NDRG3: variants seen among roughly 807,000 people sequenced by gnomAD.
NDRG3 encodes NDRG family member 3.
A neutral mutation model predicts 57.2 loss-of-function variants in NDRG3; 23 were observed. The observed-to-expected ratio is 0.40, with a 90% CI of 0.29 to 0.57. The LOEUF is 0.57. Among genes scored for constraint, NDRG3 ranks in the 20% least tolerant of loss-of-function variants. NDRG3 has a pLI of 0.42. For synonymous variants in NDRG3, 132 were observed against 162.6 expected, an observed-to-expected ratio of 0.81 and a Z score of 1.43; for missense variants, 384 against 457.3, an observed-to-expected ratio of 0.84 and a Z score of 1.46.
chr20:36,722,094 AT>A (rs1256054954), intron 1 of NDRG3, among the ~76,000 whole-genome samples: 1 of 152,096 alleles, frequency 6.6e-6, no homozygotes, highest in African/African-American at 2.4e-5. Context: ...ATTATATAAT[AT>A]TTTCACATCT....
At chr20:36,658,265 G>A (rs1397375471) in intron 13 of NDRG3, among the ~76,000 whole-genome samples, 1 of 152,142 alleles carries the variant, frequency 6.6e-6, no homozygotes, top group Non-Finnish European at 1.5e-5. Context: ...TGGAGTAGCT[G>A]GGATTACAGG....
At position 36,706,957 on chromosome 20, in the gene NDRG3, T is replaced by C; in HGVS notation, c.93+15A>G. 6.2e-7 allele frequency: 1 copy of C among 1,611,998 alleles called. No individual in the cohort carries two copies. The highest frequency in any genetic ancestry group is 8.5e-7 in the Non-Finnish European group (1 of 1,178,252). ...ATCCTGTACAGAGCCTCCTTCTTGC[T>C]TGTACAGTCCTTACCTGACAGTCAA... On this transcript the variant is annotated intron_variant, in intron 3 of 15. Transcript: ENST00000349004.
intron 1 of NDRG3, among the ~76,000 whole-genome samples, chr20:36,739,909 C>CA (rs774462877): frequency 0.071 from 2,632 of 37,214 alleles, 59 homozygotes; most frequent in Non-Finnish European, 0.1. Context: ...GACTCCGTCT[C>CA]AAAAAAAAAA....
intron 2 of NDRG3, among the ~76,000 whole-genome samples, chr20:36,712,577 A>T (rs1983967413): frequency 2.2e-4 from 3 of 13,810 alleles, no homozygotes; most frequent in African/African-American, 5.7e-4. Flanking sequence ...ATATATATAT[A>T]TATATATATA....
At chr20:36,740,068 T>C (rs926847858) in intron 1 of NDRG3, among the ~76,000 whole-genome samples, 4 of 152,124 alleles carry the variant, frequency 2.6e-5, no homozygotes, top group Admixed American at 6.6e-5. Flanking sequence ...AAGGGGATTA[T>C]TGTCAAATGC....
chr20:36,667,486 C>T (rs191453534), intron 9 of NDRG3, among the ~76,000 whole-genome samples: 79 of 152,120 alleles, frequency 5.2e-4, no homozygotes, highest in Non-Finnish European at 1.0e-3. Flanking sequence ...GTATAAAATA[C>T]GAGAGAAACA....
intron 8 of NDRG3, among the ~76,000 whole-genome samples, chr20:36,674,352 GCCA>G (rs1281765080): frequency 1.3e-5 from 2 of 151,116 alleles, no homozygotes; most frequent in African/African-American, 2.4e-5. Flanking sequence ...ACAGGCGTGT[GCCA>G]CCACACCTGG....
intron 1 of NDRG3, among the ~76,000 whole-genome samples, chr20:36,731,946 C>T (rs1326401003): frequency 6.6e-6 from 1 of 151,980 alleles, no homozygotes; most frequent in African/African-American, 2.4e-5. Context: ...CACAGTGAGA[C>T]CCCATCTCTA....
At chr20:36,693,141 T>TATATATAC (rs1323122806) in intron 3 of NDRG3, among the ~76,000 whole-genome samples, 35 of 34,608 alleles carry the variant, frequency 1.0e-3, no homozygotes, top group Admixed American at 1.8e-3. Context: ...TATATATATA[T>TATATATAC]ACACACACAC....
chr20:36,683,755 G>C (rs2148106133), intron 6 of NDRG3, among the ~76,000 whole-genome samples: 1 of 151,232 alleles, frequency 6.6e-6, no homozygotes, highest in South Asian at 2.1e-4. Flanking sequence ...GTTATCCTTG[G>C]TAGCTGTCAG....
chr20:36,661,957 C>T (rs929021614), intron 12 of NDRG3, among the ~76,000 whole-genome samples: 1 of 152,126 alleles, frequency 6.6e-6, no homozygotes, highest in South Asian at 2.1e-4. Flanking sequence ...ATACAAAGGA[C>T]AATGCAGGCA....
intron 12 of NDRG3, among the ~76,000 whole-genome samples, chr20:36,661,906 A>G (rs1363137094): frequency 2.6e-5 from 4 of 152,234 alleles, no homozygotes; most frequent in Non-Finnish European, 5.9e-5. Flanking sequence ...CAGGGATAAT[A>G]TAAAAGTCAG....
At chr20:36,684,814 A>G (rs542928457) in intron 5 of NDRG3, among the ~76,000 whole-genome samples, 2 of 151,164 alleles carry the variant, frequency 1.3e-5, no homozygotes, top group East Asian at 3.9e-4. Context: ...ATGCCATTGC[A>G]CTCCAGCCTG....
At chr20:36,684,915 G>T (rs1015613140) in intron 5 of NDRG3, among the ~76,000 whole-genome samples, 1 of 152,078 alleles carries the variant, frequency 6.6e-6, no homozygotes, top group Non-Finnish European at 1.5e-5. Context: ...AGGTGATGTG[G>T]TACCCTGAAA....
chr20:36,687,716 C>T, intron 4 of NDRG3, 104 bp from the exon 5 acceptor site: 1 of 1,323,862 alleles, frequency 7.6e-7, no homozygotes, highest in East Asian at 2.5e-5. Context: ...GCTTTTTAAC[C>T]ACCATTCCAC....
chr20:36,731,080 A>G (rs1302321105), intron 1 of NDRG3, among the ~76,000 whole-genome samples: 2 of 152,182 alleles, frequency 1.3e-5, no homozygotes, highest in African/African-American at 4.8e-5. Context: ...AGTAACAGAG[A>G]AACTGATTTG....
intron 15 of NDRG3, among the ~76,000 whole-genome samples, 155 bp downstream of exon 15, chr20:36,656,205 C>T (rs367893107): frequency 2.9e-4 from 43 of 150,314 alleles, no homozygotes; most frequent in African/African-American, 4.2e-4. Flanking sequence ...CTTACAAATA[C>T]GGACAAATGA....
intron 13 of NDRG3, among the ~76,000 whole-genome samples, chr20:36,660,034 C>T (rs1320903972): frequency 6.6e-6 from 1 of 151,836 alleles, no homozygotes; most frequent in African/African-American, 2.4e-5. Context: ...CGGTGAAACC[C>T]CGTCTCTACT....
chr20:36,662,544 A>T (rs1600857167), intron 12 of NDRG3, among the ~76,000 whole-genome samples: 1 of 152,234 alleles, frequency 6.6e-6, no homozygotes, highest in African/African-American at 2.4e-5. Flanking sequence ...AGCTGCCTGA[A>T]TCTTACTCAT....
Sources: gnomAD v4.1 joint callset for allele counts (sites outside exome capture counted in the v4.1 genomes callset) on GRCh38, gnomAD v4.1.1 for gene constraint, MANE v1.5 for transcripts, NCBI Gene and HGNC (gene_info 2026-07-23, HGNC 2026-07-21) for gene names.